SANBR: variants seen among roughly 807,000 people sequenced by gnomAD.
SANBR encodes the protein SANT and BTB domain regulator of CSR, also known as SANT and BTB domain regulator of class switch recombination.
Under a neutral mutation model 101.8 loss-of-function variants are expected in SANBR, and 77 were observed. The ratio of observed to expected loss-of-function variants is 0.76; its 90% CI spans 0.63 to 0.91. SANBR has a LOEUF of 0.91. Among genes scored for constraint, SANBR ranks in the 40% least tolerant of loss-of-function variants. The pLI, the probability that SANBR is intolerant of heterozygous loss-of-function variation, is 0.00. For missense variants in SANBR, 875 were observed against 853.0 expected (o/e 1.03, Z -0.32); for synonymous variants, 279 against 274.7 (o/e 1.02, Z -0.15).
intron 20 of SANBR, chr2:61,134,088 G>T: frequency 6.2e-7 from 1 of 1,600,618 alleles, no homozygotes; most frequent in Non-Finnish European, 8.6e-7. Context: ...TTGCCTGGGT[G>T]TGTATATCCA....
Position 61,094,757 on chromosome 2 carries a change from T to C in SANBR, c.1212+2170T>C, listed in dbSNP as rs376905733. Among the ~76,000 whole-genome samples the C allele has an allele frequency of 7.3e-5, 11 of 151,686 alleles. No individual in the cohort carries two copies. The South Asian group carries it at 1.3e-3, about 17-fold the overall frequency. Reference sequence around the variant, plus strand: ...CTCCCAGGTTCAAGCGATTCTCCTGTCTCAGCCTCCTGAGTAGCTGGGATT... The same window carrying C: ...CTCCCAGGTTCAAGCGATTCTCCTGCCTCAGCCTCCTGAGTAGCTGGGATT... On this transcript the variant is annotated intron_variant, in intron 11 of 21. Transcript: ENST00000402291.
chr2:61,132,557 A>G (rs773048253), intron 20 of SANBR, among the ~76,000 whole-genome samples: 8 of 152,230 alleles, frequency 5.3e-5, no homozygotes, highest in Non-Finnish European at 7.3e-5. Flanking sequence ...GGAACCCTCT[A>G]CACTGCTGAT....
At chr2:61,111,285 C>T (rs954337618) in intron 16 of SANBR, among the ~76,000 whole-genome samples, 8 of 152,120 alleles carry the variant, frequency 5.3e-5, no homozygotes, top group African/African-American at 1.7e-4. Flanking sequence ...CCCAGCTACT[C>T]GGGAGGCTGA....
At chr2:61,094,497 A>G (rs1268709609) in intron 11 of SANBR, among the ~76,000 whole-genome samples, 1 of 152,166 alleles carries the variant, frequency 6.6e-6, no homozygotes, top group Non-Finnish European at 1.5e-5. Flanking sequence ...GTATGACTAT[A>G]TCACAGTATG....
At chr2:61,107,834 G>A (rs1573647093) in intron 14 of SANBR, among the ~76,000 whole-genome samples, 1 of 151,318 alleles carries the variant, frequency 6.6e-6, no homozygotes, top group Admixed American at 6.6e-5. Context: ...TGCAGTGAGT[G>A]GAGATCGTGT....
chr2:61,114,887 C>T (rs1684000771), intron 16 of SANBR, among the ~76,000 whole-genome samples: 1 of 152,150 alleles, frequency 6.6e-6, no homozygotes, highest in African/African-American at 2.4e-5. Context: ...GAACTCCTAG[C>T]CACAAGCAAT....
chr2:61,080,866 TTTC>T (rs1682085417), intron 6 of SANBR, among the ~76,000 whole-genome samples: 1 of 152,228 alleles, frequency 6.6e-6, no homozygotes, highest in South Asian at 2.1e-4. Flanking sequence ...AAAACAGAGT[TTTC>T]TTTCCTTAAA....
At chr2:61,088,543 G>A (rs761197792) in intron 10 of SANBR, 75 bp downstream of exon 10, 88 of 964,542 alleles carry the variant, frequency 9.1e-5, no homozygotes, top group Non-Finnish European at 1.1e-4. Context: ...TTTTGGAGAC[G>A]GAGTCTTACT....
intron 11 of SANBR, among the ~76,000 whole-genome samples, chr2:61,095,333 A>C (rs1682980585): frequency 6.6e-6 from 1 of 152,214 alleles, no homozygotes; most frequent in Non-Finnish European, 1.5e-5. Flanking sequence ...GTTTGTATGC[A>C]GAATATTGTA....
chr2:61,076,952 C>G lies in SANBR; in HGVS notation c.464C>G (p.Ala155Gly). ...PNMVIHVCDE[A>G]KNLKEDFTCP... ...ATGGTGATCCATGTGTGTGATGAAG[C>G]AAAAAACTTGAAAGAAGATTTTACT... The change falls in exon 6 of 22, where the codon GCA becomes GGA. Residue 155 changes from alanine to glycine, a missense_variant. Coordinates refer to ENST00000402291, the MANE Select transcript of SANBR (RefSeq NM_001129993.3). The G allele has an allele frequency of 1.2e-6, 2 of 1,613,838 alleles. No homozygotes were observed. Among genetic ancestry groups the G allele is most frequent in the Admixed American group, 1.7e-5 (1 of 60,012 alleles).
downstream of SANBR, among the ~76,000 whole-genome samples, chr2:61,126,059 C>T (rs1440256467): frequency 6.6e-6 from 1 of 152,176 alleles, no homozygotes; most frequent in Non-Finnish European, 1.5e-5. Flanking sequence ...AACATTTGTA[C>T]TTGGAGTACC....
chr2:61,067,873 A>C (rs1681263884), intron 1 of SANBR, among the ~76,000 whole-genome samples: 1 of 152,270 alleles, frequency 6.6e-6, no homozygotes, highest in Non-Finnish European at 1.5e-5. Flanking sequence ...CAAGTCTTTC[A>C]AGGATTCAAA....
intron 6 of SANBR, among the ~76,000 whole-genome samples, chr2:61,079,646 GA>G (rs1001063412): frequency 3.3e-5 from 5 of 151,668 alleles, no homozygotes; most frequent in South Asian, 2.1e-4. Context: ...TGTAGAGAGA[GA>G]AAAAAAATTA....
intron 6 of SANBR, among the ~76,000 whole-genome samples, chr2:61,078,614 G>A (rs1681918539): frequency 6.6e-6 from 1 of 151,870 alleles, no homozygotes; most frequent in Admixed American, 6.6e-5. Flanking sequence ...TAGAGACAGG[G>A]TTTTGCCTTG....
chr2:61,094,077 G>C (rs573856546), intron 11 of SANBR: 3 of 983,712 alleles, frequency 3.0e-6, no homozygotes, highest in Non-Finnish European at 3.6e-6. Context: ...TTCAGATTGG[G>C]ATTTTAAACT....
At chr2:61,126,639 A>T (rs1268499150), downstream of SANBR, among the ~76,000 whole-genome samples, 7 of 152,002 alleles carry the variant, frequency 4.6e-5, no homozygotes, top group Non-Finnish European at 8.8e-5. Context: ...CATCTCTGTT[A>T]AAAAATAGAA....
At chr2:61,087,333 A>T (rs1269043146) in intron 8 of SANBR, among the ~76,000 whole-genome samples, 1 of 151,986 alleles carries the variant, frequency 6.6e-6, no homozygotes, top group Non-Finnish European at 1.5e-5. Context: ...AAGCAGGAGG[A>T]TTACTTGAAG....
intron 16 of SANBR, among the ~76,000 whole-genome samples, chr2:61,109,733 A>G (rs891246322): frequency 3.5e-5 from 5 of 144,172 alleles, no homozygotes; most frequent in Middle Eastern, 3.7e-3. Context: ...CAGTGGCGCA[A>G]TCTTGGCTCA....
At chr2:61,080,161 C>T (rs556265933) in intron 6 of SANBR, among the ~76,000 whole-genome samples, 46 of 144,802 alleles carry the variant, frequency 3.2e-4, no homozygotes, top group African/African-American at 1.1e-3. Context: ...CATGCCACTG[C>T]ACTCCAGTCT....
Sources: allele counts gnomAD v4.1 joint callset (sites outside exome capture counted in the v4.1 genomes callset), GRCh38; gene constraint gnomAD v4.1.1; transcripts MANE v1.5; gene names NCBI Gene and HGNC (gene_info 2026-07-23, HGNC 2026-07-21).